Variants in DPP10 observed in about 807,000 individuals in gnomAD.
DPP10 encodes the protein inactive dipeptidyl peptidase 10.
In DPP10, 33 loss-of-function variants were observed where a neutral mutation model predicts 120.9. That is an observed-to-expected ratio of 0.27 (90% confidence interval 0.21 to 0.37). The LOEUF (loss-of-function observed/expected upper bound fraction) is 0.37. Among genes scored for constraint, DPP10 ranks in the 10% least tolerant of loss-of-function variants. DPP10 has a pLI of 1.00. For missense variants in DPP10, 816 were observed against 942.8 expected (o/e 0.87, Z 1.76); for synonymous variants, 337 against 326.1 (o/e 1.03, Z -0.36).
chr2:115,109,939 T>C (rs2049132975), intron 1 of DPP10, among the ~76,000 whole-genome samples: 1 of 152,206 alleles, frequency 6.6e-6, no homozygotes, highest in Admixed American at 6.5e-5. Flanking sequence ...GAGAATTTGA[T>C]AATTCTCTGC....
At chr2:115,616,318 C>T (rs2084493212) in intron 5 of DPP10, among the ~76,000 whole-genome samples, 1 of 151,732 alleles carries the variant, frequency 6.6e-6, no homozygotes, top group Non-Finnish European at 1.5e-5. Flanking sequence ...TGTGATAGGG[C>T]CCAGTATAGT....
intron 4 of DPP10, among the ~76,000 whole-genome samples, chr2:115,510,163 T>A (rs1371020697): frequency 6.6e-6 from 1 of 152,200 alleles, no homozygotes. Context: ...CACTTTCTGA[T>A]TGGTGTCTTT....
intron 17 of DPP10, among the ~76,000 whole-genome samples, chr2:115,790,314 C>G (rs1158630805): frequency 1.3e-5 from 2 of 151,880 alleles, no homozygotes; most frequent in African/African-American, 4.8e-5. Context: ...CTCCTGACCT[C>G]ATGATCCACC....
At chr2:115,557,769 C>T (rs1045124707) in intron 5 of DPP10, among the ~76,000 whole-genome samples, 2 of 152,120 alleles carry the variant, frequency 1.3e-5, no homozygotes, top group African/African-American at 4.8e-5. Flanking sequence ...AAAGAAAGGC[C>T]TACTCCTATT....
chr2:114,501,571 A>G (rs2104515684), intron 1 of DPP10, among the ~76,000 whole-genome samples: 1 of 152,314 alleles, frequency 6.6e-6, no homozygotes, highest in South Asian at 2.1e-4. Context: ...GCGGAGGAGT[A>G]ACTTGAAGGT....
intron 1 of DPP10, among the ~76,000 whole-genome samples, chr2:114,911,135 CTTCTTG>C (rs1694335639): frequency 6.6e-6 from 1 of 152,110 alleles, no homozygotes; most frequent in Non-Finnish European, 1.5e-5. Flanking sequence ...CTTCTCAATG[CTTCTTG>C]TTTATAGAAA....
At chr2:115,686,057 G>A (rs533975369) in intron 5 of DPP10, among the ~76,000 whole-genome samples, 32 of 152,110 alleles carry the variant, frequency 2.1e-4, no homozygotes, top group African/African-American at 7.7e-4. Context: ...TCCCAGCTAA[G>A]GTTGAACGAG....
chr2:114,880,516 A>G (rs569740164), intron 1 of DPP10, among the ~76,000 whole-genome samples: 1 of 152,296 alleles, frequency 6.6e-6, no homozygotes, highest in East Asian at 1.9e-4. Flanking sequence ...AACATGTTAG[A>G]TAAGATTAAT....
intron 1 of DPP10, among the ~76,000 whole-genome samples, chr2:114,741,703 AGAG>A (rs1678080947): frequency 6.6e-6 from 1 of 152,180 alleles, no homozygotes; most frequent in Non-Finnish European, 1.5e-5. Context: ...TCTTATAAGA[AGAG>A]GAGAACACCA....
At chr2:115,367,980 G>C (rs1340732957) in intron 3 of DPP10, among the ~76,000 whole-genome samples, 1 of 152,066 alleles carries the variant, frequency 6.6e-6, no homozygotes, top group Non-Finnish European at 1.5e-5. Flanking sequence ...TCTGGTGTGT[G>C]TTTAGGTTCA....
chr2:114,485,466 T>TG (rs971089025), intron 1 of DPP10, among the ~76,000 whole-genome samples: 9 of 151,668 alleles, frequency 5.9e-5, no homozygotes, highest in South Asian at 2.1e-4. Context: ...AAAACTGTTT[T>TG]TTTTTTTTTT....
intron 3 of DPP10, among the ~76,000 whole-genome samples, chr2:115,483,123 A>T (rs1265851492): frequency 6.6e-6 from 1 of 152,074 alleles, no homozygotes; most frequent in Non-Finnish European, 1.5e-5. Context: ...GTGGAGAATT[A>T]AAAAATGCTT....
chr2:114,839,124 T>C (rs1367007003), intron 1 of DPP10, among the ~76,000 whole-genome samples: 1 of 152,220 alleles, frequency 6.6e-6, no homozygotes, highest in Non-Finnish European at 1.5e-5. Context: ...CTGCAATTAA[T>C]TGTTGCCTGC....
chr2:115,514,707 TA>T (rs1465574402), intron 4 of DPP10, among the ~76,000 whole-genome samples: 1 of 151,876 alleles, frequency 6.6e-6, no homozygotes, highest in African/African-American at 2.4e-5. Context: ...TTTCAATAGC[TA>T]AATGAAACCA....
intron 5 of DPP10, among the ~76,000 whole-genome samples, chr2:115,660,888 A>G (rs1198550989): frequency 9.2e-5 from 14 of 152,028 alleles, no homozygotes; most frequent in Admixed American, 9.2e-4. Flanking sequence ...TTAAAAACTT[A>G]GTGTGTCATC....
intron 1 of DPP10, among the ~76,000 whole-genome samples, chr2:115,178,202 A>C (rs906285630): frequency 6.6e-6 from 1 of 152,108 alleles, no homozygotes; most frequent in Non-Finnish European, 1.5e-5. Flanking sequence ...CCTTGCCTAC[A>C]AACAGAAGGG....
chr2:115,375,210 T>C (rs1300811824), intron 3 of DPP10, among the ~76,000 whole-genome samples: 1 of 152,220 alleles, frequency 6.6e-6, no homozygotes, highest in African/African-American at 2.4e-5. Flanking sequence ...AGGTCACATC[T>C]TGAACGATTT....
chr2:115,504,032 A>G (rs895225430), intron 4 of DPP10, among the ~76,000 whole-genome samples: 9 of 152,146 alleles, frequency 5.9e-5, no homozygotes, highest in African/African-American at 2.2e-4. Flanking sequence ...GATAATTTTA[A>G]GGGAGATATT....
intron 1 of DPP10, among the ~76,000 whole-genome samples, chr2:114,806,033 C>A (rs1224826104): frequency 2.6e-5 from 4 of 152,132 alleles, no homozygotes; most frequent in South Asian, 2.1e-4. Context: ...TCCATGATTT[C>A]CAATCCCCTC....
Sources: gnomAD v4.1 joint callset for allele counts (sites outside exome capture counted in the v4.1 genomes callset) on GRCh38, gnomAD v4.1.1 for gene constraint, MANE v1.5 for transcripts, NCBI Gene and HGNC (gene_info 2026-07-23, HGNC 2026-07-21) for gene names.